The following PATL2 variants were observed in gnomAD, a reference collection of about 807,000 sequenced individuals.
PATL2 encodes the protein PAT1 homolog 2.
PATL2 carries 73 observed loss-of-function variants against 77.0 expected under a neutral mutation model. The observed-to-expected ratio is 0.95, with a 90% CI of 0.78 to 1.15. PATL2 has a LOEUF of 1.15. PATL2 is among the 50% of genes most tolerant of loss of function. The pLI, the probability that PATL2 is intolerant of heterozygous loss-of-function variation, is 0.00. For synonymous variants in PATL2, 265 were observed against 257.1 expected (o/e 1.03, Z -0.29); for missense variants, 618 against 655.4 (o/e 0.94, Z 0.62).
intron 3 of PATL2, among the ~76,000 whole-genome samples, chr15:44,701,353 A>G (rs939339245): frequency 6.6e-6 from 1 of 151,814 alleles, no homozygotes; most frequent in Non-Finnish European, 1.5e-5. Context: ...TATTTTTCAG[A>G]ATAGTTTGAG....
In PATL2 at chr15:44,668,360, G is replaced by T. The variant is rs1276030828; in HGVS notation, c.1347C>A (p.Thr449=). 49 of 1,550,814 alleles carry T rather than the reference G, an allele frequency of 3.2e-5. No individual in the cohort carries two copies. Among genetic ancestry groups the T allele is most frequent in the Non-Finnish European group, 4.3e-5 (49 of 1,146,958 alleles). ...ATGTTACCTGATTCTGAAGCACCAC[G>T]GTGACTGGCCGCTCTGAGGAGCCAG... ...LPPGSSERPV[T]VVLQNQFGIS... is the part of the protein sequence containing the mutation. Residue 449 remains threonine, a synonymous_variant, in exon 15 of 18, where the codon ACC becomes ACA. Coordinates refer to ENST00000682850, the MANE Select transcript of PATL2 (RefSeq NM_001387263.1).
chr15:44,711,203 C>T lies in PATL2; in HGVS notation c.-437G>A. ...AGCAAGTCACTTAGCATCTCTGGGG[C>T]CAGTCTGCAAAGCGAGGGGGCAGCC... On this transcript the variant is annotated 5_prime_UTR_variant, in exon 1 of 18. Transcript: ENST00000682850. 2.0e-6 allele frequency: 1 copy of T among 490,484 alleles called. No individual in the cohort carries two copies. Among genetic ancestry groups the T allele is most frequent in the Non-Finnish European group, 3.7e-6 (1 of 267,090 alleles). The allele number at this position is 490,484 out of a possible 1,614,324, so 30.4% of individuals were successfully genotyped here.
rs2141160730 is a variant in PATL2 at position 44,667,182 on chromosome 15, C to G, written c.1387G>C (p.Ala463Pro). ...QNQFGISLLYALLSHGEQLVS... is the reference protein window; with the variant it reads ...QNQFGISLLYPLLSHGEQLVS... ...AGTTGCTCCCCATGGCTCAGCAGGG[C>G]ATAGAGCAAAGATATTCCAAACTGC... The change falls in exon 16 of 18, where the codon GCC becomes CCC. Residue 463 changes from alanine to proline, a missense_variant. Ala to Pro is a conservative substitution (Grantham distance 27). Coordinates refer to ENST00000682850, the MANE Select transcript of PATL2 (RefSeq NM_001387263.1). 1 of 1,551,580 alleles carries G rather than the reference C, an allele frequency of 6.4e-7. No homozygotes were observed. The highest frequency in any genetic ancestry group is 1.7e-4 in the Middle Eastern group (1 of 5,992).
At position 44,675,583 on chromosome 15, in the gene PATL2, T is replaced by A; in HGVS notation, c.125A>T (p.Asp42Val). 2 of 1,551,742 alleles carry A rather than the reference T, an allele frequency of 1.3e-6. No individual in the cohort carries two copies. The highest frequency in any genetic ancestry group is 1.7e-6 in the Non-Finnish European group (2 of 1,146,834). Residue 42 changes from aspartate (D) to valine (V), a missense_variant, in exon 5 of 18, where the codon GAC becomes GTC. Asp to Val is a radical substitution (Grantham distance 152). Transcript: ENST00000682850. ...NEGEEEEEEE[D>V]EEDLDPDLDP... ...CAGATCTGGGTCCAGATCCTCCTCG[T>A]CCTCCTCCTCTTCCTCCTCCTCCCC...
chr15:44,688,277 A>C lies in PATL2; in HGVS notation c.-75-11712T>G, dbSNP rs1167449146. Reference sequence around the variant, plus strand: ...AAAAAAAAAAACTAGCTAAATAATAATAATAATAAAAAAAATGCTATCCCC... The same window carrying C: ...AAAAAAAAAAACTAGCTAAATAATACTAATAATAAAAAAAATGCTATCCCC... On this transcript the variant is annotated intron_variant, in intron 3 of 17. Coordinates refer to ENST00000682850, the MANE Select transcript of PATL2 (RefSeq NM_001387263.1). Among the ~76,000 whole-genome samples the C allele has an allele frequency of 7.9e-5, 12 of 151,504 alleles. No homozygotes were observed. In the South Asian group the frequency reaches 2.5e-3, roughly 32 times the overall value.
chr15:44,666,337 G>A, intron 17 of PATL2, 55 bp downstream of exon 17: 1 of 1,540,242 alleles, frequency 6.5e-7, no homozygotes, highest in South Asian at 1.2e-5. Flanking sequence ...GCAAGTAACA[G>A]AACATAGATT....
intron 7 of PATL2, 26 bp from the exon 8 acceptor site, chr15:44,672,482 G>A (rs1300984590): frequency 3.2e-6 from 5 of 1,543,710 alleles, no homozygotes; most frequent in Non-Finnish European, 3.5e-6. Flanking sequence ...GTAACGAGCT[G>A]GGTGGAAGGA....
At chr15:44,704,802 G>A (rs538619175) in intron 3 of PATL2, among the ~76,000 whole-genome samples, 1 of 152,260 alleles carries the variant, frequency 6.6e-6, no homozygotes, top group East Asian at 1.9e-4. Flanking sequence ...GTCTGGTGTT[G>A]ATGAAATCCC....
intron 3 of PATL2, among the ~76,000 whole-genome samples, chr15:44,694,387 T>C (rs772237774): frequency 2.6e-5 from 4 of 152,174 alleles, no homozygotes; most frequent in Non-Finnish European, 5.9e-5. Context: ...GTTAAAACAA[T>C]AATAGTAATG....
In PATL2 at chr15:44,666,507, C is replaced by T; in HGVS notation, c.1498G>A (p.Ala500Thr). The T allele has an allele frequency of 6.4e-7, 1 of 1,551,256 alleles. No homozygotes were observed. The highest frequency in any genetic ancestry group is 1.4e-5 in the African/African-American group (1 of 73,142). Residue 500 changes from alanine (A) to threonine (T), a missense_variant, in exon 17 of 18, where the codon GCC becomes ACC. By Grantham distance (58) the Ala-to-Thr change is moderately conservative (BLOSUM62 0). Transcript: ENST00000682850. ...DMVVLIAWEI[A>T]QMPTASLAEP... ...GCCAGAGAGGCTGTAGGCATTTGGG[C>T]TATCTCCCAGGCAATCAGAACCACC...
intron 3 of PATL2, among the ~76,000 whole-genome samples, chr15:44,694,921 C>A (rs1419818136): frequency 6.6e-6 from 1 of 152,122 alleles, no homozygotes; most frequent in Non-Finnish European, 1.5e-5. Flanking sequence ...CCACACAACA[C>A]CCCTTTTCAG....
intron 14 of PATL2, 129 bp from the exon 15 acceptor site, chr15:44,668,611 T>G: frequency 4.3e-6 from 5 of 1,172,384 alleles, no homozygotes; most frequent in Non-Finnish European, 4.7e-6. Flanking sequence ...ACCAGGCTTA[T>G]CACCACTATG....
Position 44,703,723 on chromosome 15 carries a change from CTTTTTTTTT to C in PATL2, c.-76+6364_-76+6372del, listed in dbSNP as rs933165876. On this transcript the variant is annotated intron_variant, in intron 3 of 17. Coordinates refer to ENST00000682850, the MANE Select transcript of PATL2 (RefSeq NM_001387263.1). Reference sequence around the variant, plus strand: ...GTAGGCAACAAATCACCGGGTCTTGCTTTTTTTTTTTTTTTTTTTTTTTTTTTTTAAATC... The same window carrying C: ...GTAGGCAACAAATCACCGGGTCTTGCTTTTTTTTTTTTTTTTTTTTAAATC... Among the ~76,000 whole-genome samples the C allele has an allele frequency of 2.7e-3, 88 of 33,014 alleles. 1 individual carries two copies. The South Asian group carries it at 0.057, about 21-fold the overall frequency. 21.7% of individuals were successfully genotyped at this position (33,014 alleles called of 152,430 possible).
intron 3 of PATL2, among the ~76,000 whole-genome samples, chr15:44,706,949 C>T (rs1282996055): frequency 6.6e-6 from 1 of 152,180 alleles, no homozygotes; most frequent in Non-Finnish European, 1.5e-5. Flanking sequence ...TGAGGCTGAA[C>T]TGGCACCCAA....
At position 44,672,455 on chromosome 15, in the gene PATL2, G is replaced by T; in HGVS notation, c.448C>A (p.His150Asn). 2 of 1,551,474 alleles carry T rather than the reference G, an allele frequency of 1.3e-6. No homozygotes were observed. Among genetic ancestry groups the T allele is most frequent in the South Asian group, 2.4e-5 (2 of 84,024 alleles). The change falls in exon 8 of 18, where the codon CAT becomes AAT. Residue 150 changes from histidine to asparagine, a missense_variant and splice_region_variant. His to Asn is a moderately conservative substitution (Grantham distance 68). Transcript: ENST00000682850. ...LLTSWPPRFS[H>N]LTQLHPRHQR... is the part of the protein sequence containing the mutation. ...TGCCGAGGGTGGAGCTGGGTCAGATGACTGGGAAGACAAGAAGTAACGAGC... is the reference window on the plus strand; with the variant it reads ...TGCCGAGGGTGGAGCTGGGTCAGATTACTGGGAAGACAAGAAGTAACGAGC...
Position 44,665,825 on chromosome 15 carries a change from G to GAA in PATL2, c.*126_*127dup, listed in dbSNP as rs1295646968. ...TTTGAAGAAAGGATATGAAAATGGG[G>GAA]AAGGGTTCTCCAATATATAAAGGCA... On this transcript the variant is annotated 3_prime_UTR_variant, in exon 18 of 18. Transcript: ENST00000682850. 1.3e-6 allele frequency: 2 copies of GAA among 1,526,304 alleles called. No individual in the cohort carries two copies. Among genetic ancestry groups the GAA allele is most frequent in the African/African-American group, 1.4e-5 (1 of 71,608 alleles). 94.5% of individuals were successfully genotyped at this position (1,526,304 alleles called of 1,614,324 possible).
At chr15:44,705,178 A>G (rs1421999302) in intron 3 of PATL2, among the ~76,000 whole-genome samples, 1 of 151,864 alleles carries the variant, frequency 6.6e-6, no homozygotes, top group Non-Finnish European at 1.5e-5. Flanking sequence ...TTTAAGGCCA[A>G]TAACTCTTTT....
At chr15:44,690,229 TCTAA>T (rs1297442960) in intron 3 of PATL2, among the ~76,000 whole-genome samples, 1 of 152,122 alleles carries the variant, frequency 6.6e-6, no homozygotes, top group African/African-American at 2.4e-5. Flanking sequence ...AGACGGACCT[TCTAA>T]CTATCACCCC....
Position 44,669,127 on chromosome 15 carries a change from A to C in PATL2, c.1077T>G (p.Asp359Glu). Residue 359 changes from aspartate (D) to glutamate (E), a missense_variant, in exon 14 of 18, where the codon GAT becomes GAG. By Grantham distance (45) the Asp-to-Glu change is conservative. Transcript: ENST00000682850. ...TCACAGAGAGCACCTGCAGGAAGCC[A>C]TCTGCTGCCTCTCTGCAAGGGAGAG... ...QEQNNLEEAA[D>E]GFLQVLSVRK... 1 of 1,542,224 alleles carries C rather than the reference A, an allele frequency of 6.5e-7. No individual in the cohort carries two copies. The highest frequency in any genetic ancestry group is 8.8e-7 in the Non-Finnish European group (1 of 1,141,220).
Sources: gnomAD v4.1 joint callset for allele counts (sites outside exome capture counted in the v4.1 genomes callset) on GRCh38, gnomAD v4.1.1 for gene constraint, MANE v1.5 for transcripts, NCBI Gene and HGNC (gene_info 2026-07-23, HGNC 2026-07-21) for gene names.